Variants in WDR17 observed in about 807,000 individuals in gnomAD.
The protein encoded by WDR17 is WD repeat-containing protein 17.
A neutral mutation model predicts 161.7 loss-of-function variants in WDR17; 143 were observed. That is an observed-to-expected ratio of 0.88 (90% confidence interval 0.77 to 1.02). The LOEUF is 1.02. WDR17 is among the 50% of genes least tolerant of loss of function. The pLI is 0.00. For missense variants in WDR17, 1,469 were observed against 1,520.9 expected (o/e 0.97, Z 0.57); for synonymous variants, 517 against 515.6 (o/e 1.00, Z -0.04).
intron 17 of WDR17, among the ~76,000 whole-genome samples, chr4:176,155,584 G>A (rs1281787556): frequency 1.6e-5 from 2 of 128,072 alleles, no homozygotes; most frequent in Non-Finnish European, 3.1e-5. Context: ...TTGCTCTGTG[G>A]CCCAGACTGG....
At chr4:176,085,238 A>G (rs774507656) in intron 1 of WDR17, among the ~76,000 whole-genome samples, 2 of 152,074 alleles carry the variant, frequency 1.3e-5, no homozygotes, top group Non-Finnish European at 2.9e-5. Context: ...AACTCCATGT[A>G]TCTTTACTTT....
chr4:176,074,974 A>G (rs1432572097), intron 1 of WDR17, among the ~76,000 whole-genome samples: 1 of 151,724 alleles, frequency 6.6e-6, no homozygotes, highest in East Asian at 1.9e-4. Flanking sequence ...ATAGCCAAAT[A>G]TTTACCTTGA....
chr4:176,125,013 T>C (rs1457056666), intron 4 of WDR17, 91 bp from the exon 5 acceptor site: 3 of 1,403,536 alleles, frequency 2.1e-6, no homozygotes, highest in Non-Finnish European at 2.9e-6. Flanking sequence ...CCCTCAGAGA[T>C]AGATATTGTA....
chr4:176,148,169 C>T lies in WDR17; in HGVS notation c.1731C>T (p.Cys577=), dbSNP rs754956261. ...TCTGGGATTATACTCAGGATGCTTG[C>T]ATCAATATTCTTAATGGACACACTG... is the stretch of plus-strand genomic sequence containing the variant. ...VRIWDYTQDA[C]INILNGHTAP... Residue 577 remains cysteine, a synonymous_variant, in exon 13 of 29, where the codon TGC becomes TGT. Coordinates refer to ENST00000508596, the MANE Select transcript of WDR17 (RefSeq NM_181265.4). The T allele has an allele frequency of 1.9e-6, 3 of 1,613,896 alleles. No individual in the cohort carries two copies. The highest frequency in any genetic ancestry group is 2.2e-5 in the South Asian group (2 of 91,072).
At chr4:176,174,362 C>T (rs1484392371) in intron 25 of WDR17, among the ~76,000 whole-genome samples, 1 of 152,054 alleles carries the variant, frequency 6.6e-6, no homozygotes, top group Non-Finnish European at 1.5e-5. Context: ...CCAGGAAATA[C>T]AGAACAACAA....
intron 3 of WDR17, among the ~76,000 whole-genome samples, chr4:176,116,262 AT>A (rs1740618051): frequency 6.6e-6 from 1 of 151,878 alleles, no homozygotes; most frequent in Non-Finnish European, 1.5e-5. Context: ...CAAAATAAAT[AT>A]AAAAATAATA....
intron 1 of WDR17, among the ~76,000 whole-genome samples, chr4:176,078,661 T>C (rs905211577): frequency 1.3e-5 from 2 of 152,110 alleles, no homozygotes; most frequent in African/African-American, 4.8e-5. Flanking sequence ...ATAATAATTT[T>C]CAATTAAAAT....
chr4:176,076,236 TATATATATATATATATATAC>T (rs1228603950), intron 1 of WDR17, among the ~76,000 whole-genome samples: 1 of 37,024 alleles, frequency 2.7e-5, no homozygotes, highest in Non-Finnish European at 8.5e-5. Flanking sequence ...TATATATATA[TATATATATATATATATATAC>T]ACACACACAC....
chr4:176,090,906 C>A (rs1736038186), intron 1 of WDR17, among the ~76,000 whole-genome samples: 1 of 152,216 alleles, frequency 6.6e-6, no homozygotes, highest in South Asian at 2.1e-4. Flanking sequence ...GGCTAGTTAT[C>A]TGCAGCAGGA....
intron 1 of WDR17, among the ~76,000 whole-genome samples, chr4:176,074,405 C>T (rs548550430): frequency 1.3e-5 from 2 of 151,360 alleles, no homozygotes; most frequent in Non-Finnish European, 2.9e-5. Flanking sequence ...GTGATATATA[C>T]TACACATATA....
chr4:176,114,444 A>G (rs1740268007), intron 2 of WDR17, among the ~76,000 whole-genome samples: 1 of 152,140 alleles, frequency 6.6e-6, no homozygotes, highest in African/African-American at 2.4e-5. Flanking sequence ...AATTTTACAT[A>G]CAATGTTCAC....
chr4:176,164,780 G>C (rs1314224024), intron 22 of WDR17, among the ~76,000 whole-genome samples: 3 of 152,096 alleles, frequency 2.0e-5, no homozygotes, highest in African/African-American at 7.2e-5. Context: ...TAATGTAAGA[G>C]CTCCCTTCCC....
At position 176,167,837 on chromosome 4, in the gene WDR17, C is replaced by T. The variant is rs117102847; in HGVS notation, c.2991-835C>T. 1.6e-3 allele frequency among the ~76,000 whole-genome samples: 238 copies of T among 151,316 alleles called. 9 individuals carry two copies. The East Asian group carries it at 0.044, about 28-fold the overall frequency. ...TTTAAAACCCTCAGTTGCTTTAGTCCACTGATTGGATCTTTAATAAGTAAA... is the reference window on the plus strand; with the variant it reads ...TTTAAAACCCTCAGTTGCTTTAGTCTACTGATTGGATCTTTAATAAGTAAA... On this transcript the variant is annotated intron_variant, in intron 22 of 28. Coordinates refer to ENST00000508596, the MANE Select transcript of WDR17 (RefSeq NM_181265.4).
intron 1 of WDR17, among the ~76,000 whole-genome samples, chr4:176,066,850 C>CA (rs137941363): frequency 0.042 from 6,448 of 151,844 alleles, 401 homozygotes; most frequent in African/African-American, 0.14. Flanking sequence ...AGAAAACTAT[C>CA]AAAAAAACAC....
rs1033123578 is a variant in WDR17, at chr4:176,125,818, A to C, written c.790+463A>C. ...CAGAATACCACAAGCTGAGTAATCT[A>C]TAAACCATAAAAGGTTTATAGTTTA... is the stretch of plus-strand genomic sequence containing the variant. On this transcript the variant is annotated intron_variant, in intron 5 of 28. Coordinates refer to ENST00000508596, the MANE Select transcript of WDR17 (RefSeq NM_181265.4). Among the ~76,000 whole-genome samples the C allele has an allele frequency of 5.3e-5, 8 of 152,358 alleles. No homozygotes were observed. The East Asian group carries it at 1.5e-3, about 29-fold the overall frequency.
chr4:176,097,874 T>C (rs1204334917), intron 1 of WDR17, among the ~76,000 whole-genome samples: 1 of 151,940 alleles, frequency 6.6e-6, no homozygotes, highest in Non-Finnish European at 1.5e-5. Context: ...TTGGAGAAGC[T>C]CATGGAGATT....
At chr4:176,097,113 A>T (rs979666481) in intron 1 of WDR17, among the ~76,000 whole-genome samples, 1 of 152,008 alleles carries the variant, frequency 6.6e-6, no homozygotes, top group African/African-American at 2.4e-5. Flanking sequence ...AGTGTTTTGA[A>T]AATAGTATTC....
intron 12 of WDR17, among the ~76,000 whole-genome samples, 164 bp from the exon 13 acceptor site, chr4:176,147,969 C>T (rs1049537803): frequency 1.3e-5 from 2 of 151,956 alleles, no homozygotes; most frequent in African/African-American, 2.4e-5. Context: ...TAAATATATA[C>T]AATTATTATT....
chr4:176,140,080 A>G (rs1312363287), intron 10 of WDR17, 106 bp downstream of exon 10: 4 of 884,082 alleles, frequency 4.5e-6, no homozygotes, highest in Admixed American at 2.7e-5. Flanking sequence ...CAGCTCTACC[A>G]ACTCTCAGAG....
Sources: allele counts gnomAD v4.1 joint callset (sites outside exome capture counted in the v4.1 genomes callset), GRCh38; gene constraint gnomAD v4.1.1; transcripts MANE v1.5; gene names NCBI Gene and HGNC (gene_info 2026-07-23, HGNC 2026-07-21).